The following C8orf74 variants were observed in gnomAD, a reference collection of about 807,000 sequenced individuals.
C8orf74 encodes chromosome 8 open reading frame 74.
A neutral mutation model predicts 22.2 loss-of-function variants in C8orf74; 29 were observed. That is an observed-to-expected ratio of 1.31 (90% CI 0.97 to 1.78). C8orf74 has a LOEUF of 1.78. Ranked by LOEUF, C8orf74 falls within the 40% of genes most tolerant of loss-of-function variation. C8orf74 has a pLI of 0.00. For synonymous variants in C8orf74, 255 were observed against 163.1 expected (o/e 1.56, Z -4.30); for missense variants, 515 against 369.9 (o/e 1.39, Z -3.22).
At chr8:10,674,130 T>G (rs920014983) in intron 1 of C8orf74, among the ~76,000 whole-genome samples, 34 of 118,190 alleles carry the variant, frequency 2.9e-4, no homozygotes, top group African/African-American at 9.5e-4. Context: ...AGCCCCCATA[T>G]CACATCCCAC....
In C8orf74 at chr8:10,673,139, C is replaced by G. The variant is rs570729061; in HGVS notation, c.48+426C>G. On this transcript the variant is annotated intron_variant, in intron 1 of 3. Coordinates refer to ENST00000304519, the MANE Select transcript of C8orf74 (RefSeq NM_001040032.2). Reference sequence around the variant, plus strand: ...CGAGGACAGGACTCTAGGCCTCCCTCTGTCACTAAGGCCACCATTGGTCCT... The same window carrying G: ...CGAGGACAGGACTCTAGGCCTCCCTGTGTCACTAAGGCCACCATTGGTCCT... Among the ~76,000 whole-genome samples the G allele has an allele frequency of 2.6e-5, 4 of 152,260 alleles. No individual in the cohort carries two copies. The South Asian group carries it at 6.2e-4, about 24-fold the overall frequency.
At chr8:10,673,363 G>T (rs1489135639) in intron 1 of C8orf74, among the ~76,000 whole-genome samples, 1 of 152,108 alleles carries the variant, frequency 6.6e-6, no homozygotes, top group African/African-American at 2.4e-5. Flanking sequence ...AGTAAAATGG[G>T]TTTTTACTTC....
intron 2 of C8orf74, among the ~76,000 whole-genome samples, chr8:10,695,734 G>A (rs1181327361): frequency 6.6e-6 from 1 of 152,208 alleles, no homozygotes; most frequent in African/African-American, 2.4e-5. Context: ...CACTCTAGCT[G>A]GGGGTGGGGA....
chr8:10,686,017 C>T (rs1034876325), intron 2 of C8orf74, among the ~76,000 whole-genome samples: 3 of 152,054 alleles, frequency 2.0e-5, no homozygotes, highest in Non-Finnish European at 4.4e-5. Flanking sequence ...TGCAGTGAGC[C>T]GAGATTGCAC....
At chr8:10,699,197 C>T (rs1233615395) in intron 3 of C8orf74, among the ~76,000 whole-genome samples, 1 of 152,228 alleles carries the variant, frequency 6.6e-6, no homozygotes, top group Non-Finnish European at 1.5e-5. Flanking sequence ...CTGTTCCTGC[C>T]TGCTCCTCCC....
Position 10,700,479 on chromosome 8 carries a change from C to A in C8orf74, c.*8C>A. 6.5e-7 allele frequency: 1 copy of A among 1,532,578 alleles called. No homozygotes were observed. The highest frequency in any genetic ancestry group is 8.8e-7 in the Non-Finnish European group (1 of 1,133,526). 94.9% of individuals were successfully genotyped at this position (1,532,578 alleles called of 1,614,324 possible). A position where few individuals can be genotyped will look rare whatever the true frequency, so the allele number is the denominator to read the frequency against. ...GCGAAGGCAAGGAAGTAGAAGGTCC[C>A]GACTGCCACACGAGACTGACTGGGG... On this transcript the variant is annotated 3_prime_UTR_variant, in exon 4 of 4. Transcript: ENST00000304519.
intron 2 of C8orf74, chr8:10,687,213 A>C (rs985009287): frequency 4.7e-6 from 2 of 425,544 alleles, no homozygotes; most frequent in African/African-American, 4.1e-5. Flanking sequence ...AAAGCACCAC[A>C]TATGCATGCT....
intron 2 of C8orf74, 90 bp from the exon 3 acceptor site, chr8:10,697,509 C>T (rs2129059120): frequency 8.8e-7 from 1 of 1,134,914 alleles, no homozygotes; most frequent in East Asian, 2.4e-5. Context: ...GGCTCTGTGA[C>T]CAGGCTGTCG....
chr8:10,696,441 C>CTTTTTTTTTTTTTTTT (rs546082377), intron 2 of C8orf74, among the ~76,000 whole-genome samples: 60 of 102,428 alleles, frequency 5.9e-4, no homozygotes, highest in Non-Finnish European at 8.6e-4. Context: ...CTTTTCTTTT[C>CTTTTTTTTTTTTTTTT]TTTTTTTTTT....
chr8:10,695,473 C>A (rs1799471668), intron 2 of C8orf74, among the ~76,000 whole-genome samples: 1 of 152,176 alleles, frequency 6.6e-6, no homozygotes, highest in African/African-American at 2.4e-5. Flanking sequence ...TTGCCAGAAT[C>A]CAGGCGTCAC....
rs185155461 is a variant in C8orf74 at position 10,685,811 on chromosome 8, T to C, written c.241+10973T>C. 1.9e-3 allele frequency among the ~76,000 whole-genome samples: 288 copies of C among 152,358 alleles called. 1 individual carries two copies. The highest frequency in any genetic ancestry group is 6.6e-3 in the African/African-American group (273 of 41,588). ...TCGGCCGGGTAAAGTGGCTCACGCC[T>C]GTAATCCCAGCACTTTGGGAGGCTG... On this transcript the variant is annotated intron_variant, in intron 2 of 3. Coordinates refer to ENST00000304519, the MANE Select transcript of C8orf74 (RefSeq NM_001040032.2).
At chr8:10,679,285 T>A (rs938991172) in intron 2 of C8orf74, among the ~76,000 whole-genome samples, 1 of 152,138 alleles carries the variant, frequency 6.6e-6, no homozygotes, top group African/African-American at 2.4e-5. Context: ...TGCAGGGGTC[T>A]CAGGCACCCT....
chr8:10,692,684 T>C (rs990090875), intron 2 of C8orf74: 16 of 151,658 alleles, frequency 1.1e-4, no homozygotes, highest in African/African-American at 3.9e-4. Context: ...TTTTTTTTTT[T>C]ATAGTGTTCG....
intron 3 of C8orf74, among the ~76,000 whole-genome samples, chr8:10,699,026 A>G (rs1193889766): frequency 2.0e-5 from 3 of 152,144 alleles, no homozygotes; most frequent in Non-Finnish European, 4.4e-5. Flanking sequence ...ATAGCACATC[A>G]GGGGGCCATG....
intron 2 of C8orf74, chr8:10,692,486 A>C (rs1357314216): frequency 1.3e-5 from 2 of 152,172 alleles, no homozygotes; most frequent in African/African-American, 4.8e-5. Context: ...ATCCCCCAGC[A>C]CCTGGCACAT....
At chr8:10,696,928 G>A (rs116558684) in intron 2 of C8orf74, among the ~76,000 whole-genome samples, 3,030 of 150,788 alleles carry the variant, frequency 0.02, 109 homozygotes, top group African/African-American at 0.066. Flanking sequence ...GGGAGGCCAC[G>A]GTGGGAGGAT....
chr8:10,699,078 A>G (rs1799596143), intron 3 of C8orf74, among the ~76,000 whole-genome samples: 1 of 151,998 alleles, frequency 6.6e-6, no homozygotes, highest in South Asian at 2.1e-4. Flanking sequence ...ACCCAACAAA[A>G]CCCACGCAAC....
rs1343481721 is a variant in C8orf74, at chr8:10,700,289, G to A, written c.703G>A (p.Glu235Lys). Residue 235 changes from glutamate to lysine, a missense_variant, in exon 4 of 4, where the codon GAG becomes AAG. Transcript: ENST00000304519. ...AVHTQMELLQELLQRQIQNTF... is the reference protein window; with the variant it reads ...AVHTQMELLQKLLQRQIQNTF... Reference sequence around the variant, plus strand: ...CCACACCCAGATGGAGCTCCTGCAGGAGCTGCTGCAGCGCCAGATCCAGAA... The same window carrying A: ...CCACACCCAGATGGAGCTCCTGCAGAAGCTGCTGCAGCGCCAGATCCAGAA... 6.2e-7 allele frequency: 1 copy of A among 1,613,442 alleles called. No individual in the cohort carries two copies. Among genetic ancestry groups the A allele is most frequent in the Non-Finnish European group, 8.5e-7 (1 of 1,179,516 alleles).
intron 2 of C8orf74, among the ~76,000 whole-genome samples, chr8:10,680,184 G>A (rs187176534): frequency 2.0e-5 from 3 of 152,306 alleles, no homozygotes; most frequent in Non-Finnish European, 4.4e-5. Flanking sequence ...TGCAAGCACC[G>A]CCAATGTGAG....
Sources: gnomAD v4.1 joint callset for allele counts (sites outside exome capture counted in the v4.1 genomes callset) on GRCh38, gnomAD v4.1.1 for gene constraint, MANE v1.5 for transcripts, NCBI Gene and HGNC (gene_info 2026-07-23, HGNC 2026-07-21) for gene names.